The following SORCS1 variants were observed in gnomAD, a reference collection of about 807,000 sequenced individuals.
SORCS1 encodes the protein sortilin related VPS10 domain containing receptor 1.
In SORCS1, 60 loss-of-function variants were observed where a neutral mutation model predicts 146.1. The ratio of observed to expected loss-of-function variants is 0.41; its 90% confidence interval spans 0.33 to 0.51. SORCS1 has a LOEUF of 0.51. Ranked by LOEUF, SORCS1 falls within the 20% of genes least tolerant of loss-of-function variation. SORCS1 has a pLI of 0.21. For synonymous variants in SORCS1, 637 were observed against 584.0 expected, an observed-to-expected ratio of 1.09 and a Z score of -1.31; for missense variants, 1,352 against 1,487.6, an observed-to-expected ratio of 0.91 and a Z score of 1.50.
chr10:107,066,861 A>G (rs1961919050), intron 1 of SORCS1, among the ~76,000 whole-genome samples: 1 of 152,218 alleles, frequency 6.6e-6, no homozygotes, highest in Admixed American at 6.5e-5. Flanking sequence ...TCATCTTTCT[A>G]GCCATAGTTG....
chr10:106,877,188 ATCT>A (rs1021357508), intron 2 of SORCS1, among the ~76,000 whole-genome samples: 3 of 152,172 alleles, frequency 2.0e-5, no homozygotes, highest in Non-Finnish European at 2.9e-5. Context: ...ACAATACAAA[ATCT>A]TCTCAAAAAT....
intron 2 of SORCS1, among the ~76,000 whole-genome samples, chr10:106,888,208 AG>A (rs1951080712): frequency 1.3e-5 from 2 of 152,380 alleles, no homozygotes; most frequent in Admixed American, 1.3e-4. Flanking sequence ...TAAATGGAAA[AG>A]AAAAAAAAGT....
Position 106,839,206 on chromosome 10 carries a change from G to A in SORCS1, c.627-9533C>T, listed in dbSNP as rs933641149. ...AAGGCATGTCAAAAGGCAAGACAGG[G>A]CAAAAGCTGGGCCTCTTGTGTCAAA... On this transcript the variant is annotated intron_variant, in intron 2 of 25. Coordinates refer to ENST00000263054, the MANE Select transcript of SORCS1 (RefSeq NM_052918.5). 2.0e-5 allele frequency among the ~76,000 whole-genome samples: 3 copies of A among 152,192 alleles called. No homozygotes were observed. The South Asian group carries it at 6.2e-4, about 32-fold the overall frequency.
At chr10:107,103,679 A>G (rs1263113085) in intron 1 of SORCS1, among the ~76,000 whole-genome samples, 1 of 152,178 alleles carries the variant, frequency 6.6e-6, no homozygotes, top group Non-Finnish European at 1.5e-5. Context: ...TCCCCAAAGC[A>G]TCTGTTGCCT....
intron 18 of SORCS1, among the ~76,000 whole-genome samples, chr10:106,634,875 G>A (rs182658226): frequency 1.8e-3 from 267 of 152,296 alleles, no homozygotes; most frequent in African/African-American, 6.3e-3. Flanking sequence ...AATCATTTCT[G>A]AAACTAAATC....
intron 2 of SORCS1, among the ~76,000 whole-genome samples, chr10:106,887,550 C>T (rs994863563): frequency 6.6e-6 from 1 of 152,064 alleles, no homozygotes; most frequent in Non-Finnish European, 1.5e-5. Context: ...CTACTCCAGC[C>T]TACACGATGG....
chr10:106,602,666 C>T (rs770429023), intron 23 of SORCS1, among the ~76,000 whole-genome samples: 3 of 152,128 alleles, frequency 2.0e-5, no homozygotes, highest in Non-Finnish European at 4.4e-5. Context: ...CCATCACCCA[C>T]TTTAAGCTTC....
At chr10:106,797,811 G>A (rs1946647184) in intron 3 of SORCS1, among the ~76,000 whole-genome samples, 2 of 152,116 alleles carry the variant, frequency 1.3e-5, no homozygotes, top group Non-Finnish European at 2.9e-5. Flanking sequence ...CAGGTACCCA[G>A]GGAGCAGGGC....
At chr10:106,579,901 A>G (rs1192350149) in intron 24 of SORCS1, among the ~76,000 whole-genome samples, 2 of 152,130 alleles carry the variant, frequency 1.3e-5, no homozygotes, top group Non-Finnish European at 2.9e-5. Context: ...TGTACCTATT[A>G]GATTTCATTT....
intron 1 of SORCS1, among the ~76,000 whole-genome samples, chr10:107,120,696 A>G (rs1966351119): frequency 6.6e-6 from 1 of 152,232 alleles, no homozygotes; most frequent in Non-Finnish European, 1.5e-5. Flanking sequence ...GACTAACTTG[A>G]AAGGCAAAGC....
At chr10:106,804,619 G>GA (rs1947073915) in intron 3 of SORCS1, among the ~76,000 whole-genome samples, 1 of 152,040 alleles carries the variant, frequency 6.6e-6, no homozygotes, top group Non-Finnish European at 1.5e-5. Context: ...TAAGATGCTT[G>GA]AAAAAGGAAG....
chr10:106,611,340 C>G (rs1424743289), intron 22 of SORCS1, among the ~76,000 whole-genome samples: 1 of 152,144 alleles, frequency 6.6e-6, no homozygotes, highest in Non-Finnish European at 1.5e-5. Flanking sequence ...CTTCAGTTGC[C>G]TCATCTACAA....
At chr10:106,679,483 T>C in intron 11 of SORCS1, 149 bp downstream of exon 11, 1 of 931,050 alleles carries the variant, frequency 1.1e-6, no homozygotes. Context: ...GTCCAATGGT[T>C]TAGGTGCCTT....
chr10:107,047,238 C>T (rs1466106144), intron 1 of SORCS1, among the ~76,000 whole-genome samples: 1 of 152,138 alleles, frequency 6.6e-6, no homozygotes, highest in Non-Finnish European at 1.5e-5. Flanking sequence ...ATCTGCCCAC[C>T]TCGGCCTCCC....
intron 15 of SORCS1, 38 bp downstream of exon 15, chr10:106,672,830 T>C (rs1156705965): frequency 6.4e-7 from 1 of 1,571,652 alleles, no homozygotes; most frequent in South Asian, 1.1e-5. Flanking sequence ...CACTCATGCT[T>C]CCTGCCCAGG....
At chr10:107,177,126 G>A in the SORCS1 span, among the ~76,000 whole-genome samples, 13 of 151,790 alleles carry the variant, frequency 8.6e-5, no homozygotes, top group African/African-American at 2.7e-4. Context: ...GCCTAAAATC[G>A]ACTTTGTATA....
intron 2 of SORCS1, among the ~76,000 whole-genome samples, chr10:106,948,584 G>A (rs891753044): frequency 1.3e-5 from 2 of 151,742 alleles, no homozygotes; most frequent in Admixed American, 6.6e-5. Flanking sequence ...TGAGGCTGGA[G>A]GACTGCTTGT....
chr10:106,622,434 T>C (rs1476493945), intron 19 of SORCS1, among the ~76,000 whole-genome samples: 1 of 151,916 alleles, frequency 6.6e-6, no homozygotes, highest in African/African-American at 2.4e-5. Context: ...TTTATCTTCA[T>C]ACACAAAGAC....
At chr10:106,665,683 AGACT>A (rs770068722) in intron 17 of SORCS1, among the ~76,000 whole-genome samples, 50 of 152,302 alleles carry the variant, frequency 3.3e-4, no homozygotes, top group Middle Eastern at 3.4e-3. Context: ...CTAAAAAATA[AGACT>A]TATTTTTTTC....
Sources: allele counts gnomAD v4.1 joint callset (sites outside exome capture counted in the v4.1 genomes callset), GRCh38; gene constraint gnomAD v4.1.1; transcripts MANE v1.5; gene names NCBI Gene and HGNC (gene_info 2026-07-23, HGNC 2026-07-21).